Variants in NF1 observed in about 807,000 individuals in gnomAD.
NF1 encodes the protein neurofibromin.
NF1 carries 122 observed loss-of-function variants against 325.7 expected under a neutral mutation model. The ratio of observed to expected loss-of-function variants is 0.37; its 90% CI spans 0.32 to 0.44. The LOEUF (loss-of-function observed/expected upper bound fraction) is 0.44, where lower values mean the gene tolerates loss of function less well. Among genes scored for constraint, NF1 ranks in the 20% least tolerant of loss-of-function variants. The probability of loss-of-function intolerance (pLI) is 1.00; values close to 1 mark genes in which losing one functional copy is unlikely to be tolerated. For synonymous variants in NF1, 1,091 were observed against 1,186.0 expected (o/e 0.92, Z 1.65); for missense variants, 2,140 against 3,415.4 (o/e 0.63, Z 9.31).
intron 36 of NF1, among the ~76,000 whole-genome samples, chr17:31,322,526 A>G (rs1459070752): frequency 1.4e-5 from 2 of 143,306 alleles, no homozygotes; most frequent in African/African-American, 2.8e-5. Context: ...AAAAAAAAAA[A>G]AAAAAAAAAA....
In NF1 at chr17:31,218,954, T is replaced by C. The variant is rs1312364040; in HGVS notation, c.1528-51T>C. 3.3e-6 allele frequency: 5 copies of C among 1,511,978 alleles called. No homozygotes were observed. In the South Asian group the frequency reaches 6.0e-5, roughly 18 times the overall value. The allele number at this position is 1,511,978 out of a possible 1,614,324, so 93.7% of individuals were successfully genotyped here. A position where few individuals can be genotyped will look rare whatever the true frequency, so the allele number is the denominator to read the frequency against. On this transcript the variant is annotated intron_variant, in intron 13 of 57. Transcript: ENST00000358273. ...TGTCTATTTCTTCCTCCTTCTAATCTCTCTCGATTTATTTATTTTTTTAAT... is the reference window on the plus strand; with the variant it reads ...TGTCTATTTCTTCCTCCTTCTAATCCCTCTCGATTTATTTATTTTTTTAAT...
chr17:31,128,801 A>T (rs1407175991), intron 1 of NF1, among the ~76,000 whole-genome samples: 1 of 152,112 alleles, frequency 6.6e-6, no homozygotes, highest in Non-Finnish European at 1.5e-5. Context: ...AGGCGCCTGT[A>T]GTCCCAGCTA....
At chr17:31,255,625 A>G (rs990282389) in intron 31 of NF1, among the ~76,000 whole-genome samples, 4 of 152,158 alleles carry the variant, frequency 2.6e-5, no homozygotes, top group Non-Finnish European at 4.4e-5. Flanking sequence ...GATGTGGAAG[A>G]TGGTAAAAGT....
rs192910996 is a variant in NF1 at position 31,100,540 on chromosome 17, T to A, written c.60+5171T>A. Among the ~76,000 whole-genome samples, 589 of 152,184 alleles carry A rather than the reference T, an allele frequency of 3.9e-3. 4 individuals carry two copies. Among genetic ancestry groups the A allele is most frequent in the Non-Finnish European group, 6.2e-3 (423 of 68,004 alleles). On this transcript the variant is annotated intron_variant, in intron 1 of 57. Transcript: ENST00000358273. ...GCTTATTCTTTGCTTCGGAATTTTT[T>A]AATTTATTATTATTGTTATTTTAAA...
intron 1 of NF1, among the ~76,000 whole-genome samples, chr17:31,117,255 A>G (rs902054443): frequency 2.6e-5 from 4 of 152,052 alleles, no homozygotes; most frequent in African/African-American, 9.7e-5. Context: ...TGCTGGGATT[A>G]TAGGTGTGAG....
At chr17:31,277,945 C>T (rs557657752) in intron 36 of NF1, among the ~76,000 whole-genome samples, 1 of 152,274 alleles carries the variant, frequency 6.6e-6, no homozygotes, top group Admixed American at 6.5e-5. Context: ...TTAATTGCTA[C>T]AAGCTGTATG....
intron 29 of NF1, among the ~76,000 whole-genome samples, chr17:31,246,754 GA>G (rs1165443735): frequency 1.3e-5 from 2 of 152,086 alleles, no homozygotes; most frequent in African/African-American, 2.4e-5. Context: ...TTATTGATGA[GA>G]AAAAATGACA....
chr17:31,231,000 C>G, intron 24 of NF1, 75 bp downstream of exon 24: 1 of 1,138,460 alleles, frequency 8.8e-7, no homozygotes, highest in East Asian at 2.5e-5. Context: ...CAGCTTTATA[C>G]TTGTATTTTG....
chr17:31,252,654 C>G (rs746201427), intron 30 of NF1: 10 of 386,944 alleles, frequency 2.6e-5, no homozygotes, highest in Non-Finnish European at 4.2e-5. Context: ...TATTTAATAT[C>G]CTCAAATTCA....
chr17:31,232,310 A>AT (rs773233065), intron 25 of NF1, 121 bp downstream of exon 25: 13 of 705,816 alleles, frequency 1.8e-5, no homozygotes, highest in African/African-American at 9.0e-5. Context: ...GTGTTTTGTG[A>AT]TTTTTTTAAA....
chr17:31,305,850 A>G (rs565290323), intron 36 of NF1, among the ~76,000 whole-genome samples: 3 of 152,192 alleles, frequency 2.0e-5, no homozygotes, highest in South Asian at 2.1e-4. Flanking sequence ...CAGCATTTGG[A>G]CCTCATAAGC....
chr17:31,231,093 CTGAT>C (rs1005252213), intron 24 of NF1, among the ~76,000 whole-genome samples, 168 bp downstream of exon 24: 3 of 151,888 alleles, frequency 2.0e-5, no homozygotes, highest in Admixed American at 1.3e-4. Context: ...TTTTTTTTGA[CTGAT>C]AGACTTTCAG....
chr17:31,117,820 A>G (rs533773295), intron 1 of NF1, among the ~76,000 whole-genome samples: 88 of 151,674 alleles, frequency 5.8e-4, no homozygotes, highest in African/African-American at 2.0e-3. Context: ...CTGGTCTTAT[A>G]TGGCAGAATG....
In NF1 at chr17:31,376,826, G is replaced by C. The variant is rs761490376; in HGVS notation, c.*2671G>C. The stretch of plus-strand genomic sequence containing the variant: ...ACCTGTTATGCCAGTACTCCCATCC[G>C]AGGGGCATGCCCTTAGTTGCCCAGA... On this transcript the variant is annotated 3_prime_UTR_variant, in exon 58 of 58. Transcript: ENST00000358273. 4.3e-6 allele frequency: 1 copy of C among 233,178 alleles called. No individual in the cohort carries two copies. The allele number at this position is 233,178 out of a possible 1,614,324, so 14.4% of individuals were successfully genotyped here.
chr17:31,209,595 T>C (rs1233597149), intron 12 of NF1, among the ~76,000 whole-genome samples: 2 of 152,208 alleles, frequency 1.3e-5, no homozygotes, highest in African/African-American at 4.8e-5. Flanking sequence ...TTTATTTTTA[T>C]ATCGTTTTGG....
intron 17 of NF1, among the ~76,000 whole-genome samples, chr17:31,225,738 A>G (rs1315353293): frequency 6.6e-6 from 1 of 152,228 alleles, no homozygotes; most frequent in Non-Finnish European, 1.5e-5. Context: ...AAGTGAAAAT[A>G]TCACATCATT....
At chr17:31,308,138 C>T (rs2068774262) in intron 36 of NF1, among the ~76,000 whole-genome samples, 1 of 151,818 alleles carries the variant, frequency 6.6e-6, no homozygotes, top group Non-Finnish European at 1.5e-5. Flanking sequence ...GATAAAACTT[C>T]CTTTTTCTTT....
intron 5 of NF1, among the ~76,000 whole-genome samples, chr17:31,173,290 G>A (rs934834597): frequency 6.6e-6 from 1 of 152,012 alleles, no homozygotes; most frequent in Admixed American, 6.6e-5. Flanking sequence ...GGCGCCTGTA[G>A]TCCCAGCTTC....
chr17:31,326,687 A>G (rs575729513), intron 37 of NF1, among the ~76,000 whole-genome samples: 1 of 152,288 alleles, frequency 6.6e-6, no homozygotes, highest in East Asian at 1.9e-4. Context: ...TAGGAAGACC[A>G]ACATTTGTGT....
Sources: allele counts gnomAD v4.1 joint callset (sites outside exome capture counted in the v4.1 genomes callset), GRCh38; gene constraint gnomAD v4.1.1; transcripts MANE v1.5; gene names NCBI Gene and HGNC (gene_info 2026-07-23, HGNC 2026-07-21).